Variants in M1AP observed in about 807,000 individuals in gnomAD.
The protein encoded by M1AP is meiosis 1 associated protein, also known as meiosis 1 arrest protein.
A neutral mutation model predicts 51.2 loss-of-function variants in M1AP; 39 were observed. The ratio of observed to expected loss-of-function variants is 0.76; its 90% CI spans 0.59 to 1.00. The LOEUF (loss-of-function observed/expected upper bound fraction) is 1.00. Ranked by LOEUF, M1AP falls within the 50% of genes least tolerant of loss-of-function variation. The pLI is 0.00. For synonymous variants in M1AP, 251 were observed against 249.2 expected (o/e 1.01, Z -0.07); for missense variants, 545 against 641.2 (o/e 0.85, Z 1.62).
At chr2:74,640,456 C>A in intron 1 of M1AP, 129 bp from the exon 2 acceptor site, 1 of 764,136 alleles carries the variant, frequency 1.3e-6, no homozygotes, top group Non-Finnish European at 2.0e-6. Context: ...CTTGTCCAGG[C>A]CATCCTATTT....
rs746573239 is a variant in M1AP at position 74,575,561 on chromosome 2, C to T, written c.951G>A (p.Gly317=). The change falls in exon 7 of 11, where the codon GGG becomes GGA. Residue 317 remains glycine, a synonymous_variant. Coordinates refer to ENST00000421985, the MANE Select transcript of M1AP (RefSeq NM_001321739.2). ...GTCCATATGTCAATGACTCGCAGAG[C>T]CCGCTAGATTTTAAAGCCCTAGGAA... ...LQVIKALKSS[G]LCESLTYGLP... 1 of 1,614,004 alleles carries T rather than the reference C, an allele frequency of 6.2e-7. No individual in the cohort carries two copies. Among genetic ancestry groups the T allele is most frequent in the Middle Eastern group, 1.7e-4 (1 of 6,028 alleles).
At chr2:74,604,724 T>C (rs2104693022) in intron 4 of M1AP, among the ~76,000 whole-genome samples, 1 of 152,330 alleles carries the variant, frequency 6.6e-6, no homozygotes, top group South Asian at 2.1e-4. Context: ...TGTAGGATTG[T>C]GGGTAACTTA....
chr2:74,570,889 G>A (rs1678692746), intron 7 of M1AP, among the ~76,000 whole-genome samples: 3 of 152,130 alleles, frequency 2.0e-5, no homozygotes, highest in Admixed American at 2.0e-4. Context: ...TTAATCTGTT[G>A]GCATTATGTG....
intron 3 of M1AP, 107 bp downstream of exon 3, chr2:74,614,857 A>T: frequency 9.8e-7 from 1 of 1,020,788 alleles, no homozygotes; most frequent in Non-Finnish European, 1.4e-6. Flanking sequence ...TTTGAATATT[A>T]CATCTAGAGT....
At position 74,618,959 on chromosome 2, in the gene M1AP, T is replaced by C. The variant is rs1007824480; in HGVS notation, c.241-3810A>G. 5.6e-6 allele frequency: 3 copies of C among 535,128 alleles called. No individual in the cohort carries two copies. In the African/African-American group the frequency reaches 5.8e-5, roughly 10 times the overall value. 33.1% of individuals were successfully genotyped at this position (535,128 alleles called of 1,614,324 possible). A position where few individuals can be genotyped will look rare whatever the true frequency, so the allele number is the denominator to read the frequency against. On this transcript the variant is annotated intron_variant, in intron 2 of 10. Coordinates refer to ENST00000421985, the MANE Select transcript of M1AP (RefSeq NM_001321739.2). Reference sequence around the variant, plus strand: ...TTCCTCTGCCACTCTTGTGACAATGTCTTCATCTATAGCAGAACCATGGGC... The same window carrying C: ...TTCCTCTGCCACTCTTGTGACAATGCCTTCATCTATAGCAGAACCATGGGC...
At chr2:74,569,249 G>A (rs573383232) in intron 7 of M1AP, among the ~76,000 whole-genome samples, 1 of 152,214 alleles carries the variant, frequency 6.6e-6, no homozygotes, top group South Asian at 2.1e-4. Flanking sequence ...GACATGTGCT[G>A]GGTGCTTTAC....
chr2:74,636,805 C>T (rs1481112132), intron 2 of M1AP, among the ~76,000 whole-genome samples: 1 of 152,068 alleles, frequency 6.6e-6, no homozygotes, highest in Non-Finnish European at 1.5e-5. Flanking sequence ...TCTCAAACTC[C>T]TGGGCTCAAG....
chr2:74,570,018 C>A (rs551832175), intron 7 of M1AP, among the ~76,000 whole-genome samples: 39 of 152,032 alleles, frequency 2.6e-4, no homozygotes, highest in African/African-American at 9.2e-4. Flanking sequence ...GGGTTATGAA[C>A]TAGATCCTTT....
At chr2:74,569,876 T>TTGTG (rs373202091) in intron 7 of M1AP, among the ~76,000 whole-genome samples, 3 of 149,294 alleles carry the variant, frequency 2.0e-5, no homozygotes, top group Admixed American at 6.7e-5. Flanking sequence ...TAGAGATAAT[T>TTGTG]TGTGTGTGTG....
intron 4 of M1AP, among the ~76,000 whole-genome samples, chr2:74,585,476 T>G (rs1401747012): frequency 3.3e-5 from 5 of 152,226 alleles, no homozygotes; most frequent in Non-Finnish European, 5.9e-5. Flanking sequence ...AGCCTCTCTA[T>G]GAAGGAAAAT....
chr2:74,618,620 T>C (rs1247021577), intron 2 of M1AP, among the ~76,000 whole-genome samples: 1 of 152,206 alleles, frequency 6.6e-6, no homozygotes, highest in Non-Finnish European at 1.5e-5. Context: ...GGGGATTTTA[T>C]AGTTTATCTT....
chr2:74,640,157 T>C lies in M1AP; in HGVS notation c.119A>G (p.Asn40Ser), dbSNP rs753175957. 6.2e-6 allele frequency: 10 copies of C among 1,613,872 alleles called. No individual in the cohort carries two copies. Among genetic ancestry groups the C allele is most frequent in the East Asian group, 2.2e-5 (1 of 44,880 alleles). The change falls in exon 2 of 11, where the codon AAC becomes AGC. Residue 40 changes from asparagine to serine, a missense_variant. Transcript: ENST00000421985. Reference sequence around the variant, plus strand: ...GAAGTTCTGCAGAGCCTCACAGAGGTTGGTGCAGATGTCAGCCCAGGACGG... The same window carrying C: ...GAAGTTCTGCAGAGCCTCACAGAGGCTGGTGCAGATGTCAGCCCAGGACGG... ...ALPSWADICT[N>S]LCEALQNFFS...
intron 8 of M1AP, among the ~76,000 whole-genome samples, chr2:74,560,575 G>A (rs1009877520): frequency 1.3e-5 from 2 of 152,140 alleles, no homozygotes; most frequent in African/African-American, 2.4e-5. Context: ...TGAGGGGGCC[G>A]GCGCACATGA....
At chr2:74,630,530 T>C (rs1488736686) in intron 2 of M1AP, among the ~76,000 whole-genome samples, 1 of 152,214 alleles carries the variant, frequency 6.6e-6, no homozygotes, top group Non-Finnish European at 1.5e-5. Context: ...CCCCTCACTG[T>C]GTCCATGTGT....
rs185226959 is a variant in M1AP, at chr2:74,602,442, A to G, written c.595+4613T>C. Among the ~76,000 whole-genome samples the G allele has an allele frequency of 4.7e-3, 722 of 152,372 alleles. 7 individuals are homozygous for G. The highest frequency in any genetic ancestry group is 0.017 in the African/African-American group (693 of 41,590). On this transcript the variant is annotated intron_variant, in intron 4 of 10. Coordinates refer to ENST00000421985, the MANE Select transcript of M1AP (RefSeq NM_001321739.2). The stretch of plus-strand genomic sequence containing the variant: ...AATAATAAGTATAGCTAACTTTTAT[A>G]GAGAACTTACATGATCTCATTTAAT...
At chr2:74,625,722 G>A (rs1234809507) in intron 2 of M1AP, among the ~76,000 whole-genome samples, 1 of 152,214 alleles carries the variant, frequency 6.6e-6, no homozygotes, top group African/African-American at 2.4e-5. Context: ...ACCCATCCAT[G>A]CATTCAGAAT....
At chr2:74,611,376 C>T (rs1435645790) in intron 3 of M1AP, among the ~76,000 whole-genome samples, 2 of 152,100 alleles carry the variant, frequency 1.3e-5, no homozygotes, top group Admixed American at 1.3e-4. Flanking sequence ...TCTGTTTAGG[C>T]TTTCTATTTT....
intron 8 of M1AP, chr2:74,561,878 C>A: frequency 2.0e-6 from 2 of 985,258 alleles, no homozygotes; most frequent in Non-Finnish European, 2.4e-6. Context: ...TCACAGCCAC[C>A]CATTCCTCAG....
At chr2:74,621,565 C>T (rs569365978) in intron 2 of M1AP, among the ~76,000 whole-genome samples, 8 of 151,874 alleles carry the variant, frequency 5.3e-5, no homozygotes, top group Non-Finnish European at 1.2e-4. Context: ...GTGGGCGGAT[C>T]ATGAGGTCAG....
Sources: gnomAD v4.1 joint callset for allele counts (sites outside exome capture counted in the v4.1 genomes callset) on GRCh38, gnomAD v4.1.1 for gene constraint, MANE v1.5 for transcripts, NCBI Gene and HGNC (gene_info 2026-07-23, HGNC 2026-07-21) for gene names.